NUDCD1: variants seen among roughly 807,000 people sequenced by gnomAD.
The protein encoded by NUDCD1 is nudC domain-containing protein 1.
Under a neutral mutation model 67.8 loss-of-function variants are expected in NUDCD1, and 60 were observed. That is an observed-to-expected ratio of 0.88 (90% confidence interval 0.72 to 1.10). The LOEUF (loss-of-function observed/expected upper bound fraction) is 1.10. Among genes scored for constraint, NUDCD1 ranks in the 50% least tolerant of loss-of-function variants. The pLI is 0.00. For synonymous variants in NUDCD1, 244 were observed against 230.8 expected, an observed-to-expected ratio of 1.06 and a Z score of -0.52; for missense variants, 643 against 695.0, an observed-to-expected ratio of 0.93 and a Z score of 0.84.
intron 5 of NUDCD1, among the ~76,000 whole-genome samples, chr8:109,287,790 A>G (rs899277491): frequency 1.3e-5 from 2 of 152,088 alleles, no homozygotes; most frequent in Admixed American, 6.6e-5. Context: ...TAGAAGTTGA[A>G]ATTTTAAAAA....
At chr8:109,260,422 A>G (rs1813840055) in intron 8 of NUDCD1, among the ~76,000 whole-genome samples, 1 of 152,012 alleles carries the variant, frequency 6.6e-6, no homozygotes, top group African/African-American at 2.4e-5. Flanking sequence ...GCTGGTCCTG[A>G]CCTCCTGGCC....
At chr8:109,277,565 C>T (rs931389801) in intron 6 of NUDCD1, among the ~76,000 whole-genome samples, 5 of 151,866 alleles carry the variant, frequency 3.3e-5, no homozygotes, top group African/African-American at 4.8e-5. Flanking sequence ...ACGAGAGGTA[C>T]GAATAATTTA....
At chr8:109,285,966 A>G (rs1476579504) in intron 5 of NUDCD1, among the ~76,000 whole-genome samples, 1 of 152,136 alleles carries the variant, frequency 6.6e-6, no homozygotes, top group Non-Finnish European at 1.5e-5. Context: ...ATACAAAATC[A>G]ATGTATGAAA....
chr8:109,285,363 A>T (rs1338082245), intron 5 of NUDCD1, among the ~76,000 whole-genome samples: 1 of 151,882 alleles, frequency 6.6e-6, no homozygotes, highest in Admixed American at 6.6e-5. Flanking sequence ...ACACACACAA[A>T]AAAACTACAG....
At chr8:109,277,482 C>T (rs1385690087) in intron 6 of NUDCD1, among the ~76,000 whole-genome samples, 11 of 150,680 alleles carry the variant, frequency 7.3e-5, no homozygotes, top group African/African-American at 2.2e-4. Context: ...AAACCCCAAA[C>T]AATGCCAAAT....
intron 5 of NUDCD1, among the ~76,000 whole-genome samples, chr8:109,285,905 T>A (rs1814564653): frequency 6.6e-6 from 1 of 152,020 alleles, no homozygotes; most frequent in Non-Finnish European, 1.5e-5. Context: ...ACCCTAAAGA[T>A]TCCACCAAAA....
chr8:109,321,307 G>C (rs1258443005), intron 2 of NUDCD1, among the ~76,000 whole-genome samples: 2 of 152,068 alleles, frequency 1.3e-5, no homozygotes, highest in African/African-American at 2.4e-5. Context: ...GATAAAATTA[G>C]CTCAAACAAT....
chr8:109,280,091 G>C (rs894073061), intron 6 of NUDCD1, among the ~76,000 whole-genome samples: 3 of 152,086 alleles, frequency 2.0e-5, no homozygotes, highest in Admixed American at 6.5e-5. Context: ...CTACACATGT[G>C]AAATAATATG....
In NUDCD1 at chr8:109,243,097, G is replaced by C. The variant is rs1473178761; in HGVS notation, c.1664C>G (p.Pro555Arg). 3 of 1,613,510 alleles carry C rather than the reference G, an allele frequency of 1.9e-6. No individual in the cohort carries two copies. Among genetic ancestry groups the C allele is most frequent in the East Asian group, 2.2e-5 (1 of 44,876 alleles). The change falls in exon 10 of 10, where the codon CCT becomes CGT. Residue 555 changes from proline to arginine, a missense_variant. Physicochemically the swap from Pro to Arg is moderately radical, Grantham distance 103. Coordinates refer to ENST00000239690, the MANE Select transcript of NUDCD1 (RefSeq NM_032869.4). ...QQVASLETND[P>R]ILGFQATNER... The stretch of plus-strand genomic sequence containing the variant: ...ATTTGTTGCCTGAAATCCTAAAATA[G>C]GATCATTGGTTTCTAGGCTTGCTAC...
intron 3 of NUDCD1, among the ~76,000 whole-genome samples, chr8:109,294,917 C>T (rs1814806815): frequency 6.6e-6 from 1 of 151,956 alleles, no homozygotes; most frequent in Non-Finnish European, 1.5e-5. Context: ...TGAATTGTTT[C>T]TTAAAGTGAC....
At chr8:109,286,779 G>T (rs550069452) in intron 5 of NUDCD1, among the ~76,000 whole-genome samples, 22 of 152,164 alleles carry the variant, frequency 1.4e-4, no homozygotes, top group African/African-American at 5.1e-4. Context: ...TTGACAAATG[G>T]TACCTAATTA....
At chr8:109,328,636 G>A (rs1209191531) in intron 1 of NUDCD1, among the ~76,000 whole-genome samples, 2 of 152,134 alleles carry the variant, frequency 1.3e-5, no homozygotes, top group Admixed American at 1.3e-4. Flanking sequence ...TGGGATACTG[G>A]GTAGTGTACA....
At position 109,245,273 on chromosome 8, in the gene NUDCD1, T is replaced by C. The variant is rs750156002; in HGVS notation, c.1459+49A>G. 1.7e-5 allele frequency: 26 copies of C among 1,524,736 alleles called. No homozygotes were observed. The South Asian group carries it at 1.8e-4, about 10-fold the overall frequency. 94.5% of individuals were successfully genotyped at this position (1,524,736 alleles called of 1,614,324 possible). ...AAAGAAATGAACTTTAAATGAATGATGACTGTATTTCTGATTTCATGGAAA... is the reference window on the plus strand; with the variant it reads ...AAAGAAATGAACTTTAAATGAATGACGACTGTATTTCTGATTTCATGGAAA... On this transcript the variant is annotated intron_variant, in intron 9 of 9. Transcript: ENST00000239690.
At chr8:109,263,423 C>G (rs764666496) in intron 8 of NUDCD1, among the ~76,000 whole-genome samples, 1 of 152,034 alleles carries the variant, frequency 6.6e-6, no homozygotes, top group African/African-American at 2.4e-5. Context: ...TCTGTTTTGC[C>G]CAGTGGGAAT....
intron 1 of NUDCD1, among the ~76,000 whole-genome samples, chr8:109,326,497 G>A (rs972607483): frequency 2.0e-5 from 3 of 152,176 alleles, no homozygotes; most frequent in African/African-American, 4.8e-5. Flanking sequence ...GAAGTAGGGG[G>A]CAGCGAGGCT....
rs1814425747 is a variant in NUDCD1, at chr8:109,281,050, T to C, written c.946A>G (p.Lys316Glu). The C allele has an allele frequency of 6.2e-7, 1 of 1,612,458 alleles. No individual in the cohort carries two copies. Among genetic ancestry groups the C allele is most frequent in the Admixed American group, 1.7e-5 (1 of 60,008 alleles). Residue 316 changes from lysine to glutamate, a missense_variant, in exon 6 of 10, where the codon AAG becomes GAG. Coordinates refer to ENST00000239690, the MANE Select transcript of NUDCD1 (RefSeq NM_032869.4). Reference sequence around the variant, plus strand: ...TTTCCTTCTAAAAACTGGTGATCCTTCAGTACAATGTTGATGTGATCAGGC... The same window carrying C: ...TTTCCTTCTAAAAACTGGTGATCCTCCAGTACAATGTTGATGTGATCAGGC... ...FLPDHINIVL[K>E]DHQFLEGKLY... is the part of the protein sequence containing the mutation.
chr8:109,300,028 G>A (rs1180372526), intron 2 of NUDCD1, among the ~76,000 whole-genome samples: 1 of 152,124 alleles, frequency 6.6e-6, no homozygotes, highest in African/African-American at 2.4e-5. Context: ...CGGCTCTCAG[G>A]AGGACACATC....
chr8:109,259,695 A>G (rs1813822641), intron 8 of NUDCD1, among the ~76,000 whole-genome samples: 1 of 152,224 alleles, frequency 6.6e-6, no homozygotes, highest in Non-Finnish European at 1.5e-5. Context: ...TCTCTTCCAG[A>G]AGAAAGTATC....
chr8:109,333,148 T>G (rs1472228845), intron 1 of NUDCD1, among the ~76,000 whole-genome samples: 1 of 152,234 alleles, frequency 6.6e-6, no homozygotes, highest in African/African-American at 2.4e-5. Flanking sequence ...CTTTAATGTC[T>G]GTTATTATAA....
Sources: gnomAD v4.1 joint callset for allele counts (sites outside exome capture counted in the v4.1 genomes callset) on GRCh38, gnomAD v4.1.1 for gene constraint, MANE v1.5 for transcripts, NCBI Gene and HGNC (gene_info 2026-07-23, HGNC 2026-07-21) for gene names.